Variants in NSUN4 observed in about 807,000 individuals in gnomAD.
NSUN4 encodes NOP2/Sun RNA methyltransferase 4, also known as 5-cytosine rRNA methyltransferase NSUN4.
Under a neutral mutation model 43.8 loss-of-function variants are expected in NSUN4, and 31 were observed. That is an observed-to-expected ratio of 0.71 (90% CI 0.53 to 0.96). NSUN4 has a LOEUF of 0.96. Ranked by LOEUF, NSUN4 falls within the 40% of genes least tolerant of loss-of-function variation. The pLI is 0.00. For missense variants in NSUN4, 439 were observed against 475.6 expected (o/e 0.92, Z 0.72); for synonymous variants, 167 against 184.1 (o/e 0.91, Z 0.75).
chr1:46,344,742 G>C, intron 1 of NSUN4, 59 bp from the exon 2 acceptor site: 1 of 1,472,178 alleles, frequency 6.8e-7, no homozygotes, highest in South Asian at 1.2e-5. Flanking sequence ...GTGGGGGTCA[G>C]GTAGTAGGGG....
the NSUN4 span, among the ~76,000 whole-genome samples, chr1:46,376,371 T>C: frequency 6.6e-6 from 1 of 151,346 alleles, no homozygotes; most frequent in African/African-American, 2.4e-5. Flanking sequence ...ATCACACCAC[T>C]GCACTCTAGT....
Position 46,364,439 on chromosome 1 carries a change from G to A in NSUN4, c.*2593G>A, listed in dbSNP as rs545339045. 2 of 152,360 alleles carry A rather than the reference G, an allele frequency of 1.3e-5. No homozygotes were observed. The highest frequency in any genetic ancestry group is 3.9e-4 in the East Asian group (2 of 5,182). The allele number at this position is 152,360 out of a possible 1,614,324, so 9.4% of individuals were successfully genotyped here. On this transcript the variant is annotated 3_prime_UTR_variant, in exon 6 of 6. Transcript: ENST00000474844. ...CGCCTGTAATCCCAAAACTTTGGAA[G>A]GCTGAGGCAGGTGGATCACCTGAGG...
At chr1:46,356,519 C>T (rs1299066447) in intron 4 of NSUN4, among the ~76,000 whole-genome samples, 1 of 152,060 alleles carries the variant, frequency 6.6e-6, no homozygotes, top group Non-Finnish European at 1.5e-5. Context: ...GGTGAAACCC[C>T]GTCTCTACTA....
chr1:46,378,933 A>G, the NSUN4 span, among the ~76,000 whole-genome samples: 149 of 152,302 alleles, frequency 9.8e-4, no homozygotes, highest in Admixed American at 2.2e-3. Context: ...GAGACAAAAC[A>G]GTTCTCTTAC....
the NSUN4 span, among the ~76,000 whole-genome samples, chr1:46,373,135 TCACAAC>T: frequency 3.3e-5 from 5 of 152,206 alleles, no homozygotes; most frequent in Non-Finnish European, 5.9e-5. Flanking sequence ...AGCATTCTGG[TCACAAC>T]CACTTAAATA....
chr1:46,366,601 G>A (rs1664138289), downstream of NSUN4, among the ~76,000 whole-genome samples: 1 of 149,552 alleles, frequency 6.7e-6, no homozygotes, highest in Non-Finnish European at 1.5e-5. Flanking sequence ...GCTCATGCCT[G>A]TAATCCCAGT....
At chr1:46,352,090 C>G (rs1307546696) in intron 3 of NSUN4, among the ~76,000 whole-genome samples, 1 of 151,404 alleles carries the variant, frequency 6.6e-6, no homozygotes, top group African/African-American at 2.4e-5. Context: ...GGCGTCCTCC[C>G]AAAGTGCTGG....
intron 1 of NSUN4, chr1:46,341,292 A>G: frequency 1.0e-6 from 1 of 952,948 alleles, no homozygotes; most frequent in Non-Finnish European, 1.2e-6. Context: ...CTTCCCCCAC[A>G]TGACTTCTCC....
chr1:46,368,200 C>G (rs1404066172), downstream of NSUN4, among the ~76,000 whole-genome samples: 1 of 152,094 alleles, frequency 6.6e-6, no homozygotes, highest in Non-Finnish European at 1.5e-5. Flanking sequence ...CTCCAATCAG[C>G]CCTAAATTCT....
At chr1:46,356,556 A>G (rs980529967) in intron 4 of NSUN4, among the ~76,000 whole-genome samples, 6 of 151,964 alleles carry the variant, frequency 3.9e-5, no homozygotes, top group African/African-American at 1.2e-4. Context: ...GCCGGGTGAG[A>G]TGGCGGGCGC....
intron 4 of NSUN4, among the ~76,000 whole-genome samples, chr1:46,356,193 T>A (rs911530578): frequency 5.3e-5 from 8 of 152,016 alleles, no homozygotes; most frequent in African/African-American, 1.7e-4. Flanking sequence ...TACCTCAGCC[T>A]CCCAAGTAGT....
intron 4 of NSUN4, among the ~76,000 whole-genome samples, chr1:46,359,389 T>C (rs1444782981): frequency 6.6e-6 from 1 of 152,018 alleles, no homozygotes; most frequent in Non-Finnish European, 1.5e-5. Flanking sequence ...CTTTTTTTTT[T>C]CTTTTTCGAG....
chr1:46,344,429 A>C, intron 1 of NSUN4: 1 of 220,910 alleles, frequency 4.5e-6, no homozygotes, highest in Non-Finnish European at 8.9e-6. Flanking sequence ...TTCAGAAGAA[A>C]AGGGCCTTTT....
At chr1:46,375,453 G>A in the NSUN4 span, among the ~76,000 whole-genome samples, 316 of 149,790 alleles carry the variant, frequency 2.1e-3, 1 homozygote, top group African/African-American at 7.4e-3. Flanking sequence ...AAAAAAAAGG[G>A]CCGAGTGCAA....
At chr1:46,346,836 C>A in intron 2 of NSUN4, 85 bp from the exon 3 acceptor site, 1 of 1,125,454 alleles carries the variant, frequency 8.9e-7, no homozygotes, top group South Asian at 1.5e-5. Flanking sequence ...AGCTCAAGCC[C>A]CAGAGGGCAT....
At chr1:46,345,261 G>A in intron 2 of NSUN4, 117 bp downstream of exon 2, 1 of 747,702 alleles carries the variant, frequency 1.3e-6, no homozygotes, top group African/African-American at 1.8e-5. Context: ...TTTATGGCAT[G>A]TTTATACAGA....
the NSUN4 span, chr1:46,370,921 C>T: frequency 2.0e-5 from 3 of 152,514 alleles, no homozygotes; most frequent in Non-Finnish European, 4.4e-5. Context: ...CTTGAGAATT[C>T]CTTTGCTGAA....
Position 46,346,780 on chromosome 1 carries a change from G to C in NSUN4, c.438-141G>C, listed in dbSNP as rs1383514649. The C allele has an allele frequency of 4.0e-5, 26 of 644,064 alleles. No homozygotes were observed. The East Asian group carries it at 6.5e-4, about 16-fold the overall frequency. The allele number at this position is 644,064 out of a possible 1,614,324, so 39.9% of individuals were successfully genotyped here. A position where few individuals can be genotyped will look rare whatever the true frequency, so the allele number is the denominator to read the frequency against. ...GGCTCCCGTATAGATGAATGAATAAGTGAATAAGTAAGTGTGGGTCTGAAA... is the reference window on the plus strand; with the variant it reads ...GGCTCCCGTATAGATGAATGAATAACTGAATAAGTAAGTGTGGGTCTGAAA... On this transcript the variant is annotated intron_variant, in intron 2 of 5. Coordinates refer to ENST00000474844, the MANE Select transcript of NSUN4 (RefSeq NM_199044.4).
the NSUN4 span, among the ~76,000 whole-genome samples, chr1:46,383,037 C>A: frequency 2.6e-5 from 4 of 152,304 alleles, no homozygotes; most frequent in Admixed American, 2.0e-4. Context: ...CCCTCTGAAG[C>A]GGACCAGGTC....
Sources: allele counts gnomAD v4.1 joint callset (sites outside exome capture counted in the v4.1 genomes callset), GRCh38; gene constraint gnomAD v4.1.1; transcripts MANE v1.5; gene names NCBI Gene and HGNC (gene_info 2026-07-23, HGNC 2026-07-21).